The following HS6ST3 variants were observed in gnomAD, a reference collection of about 807,000 sequenced individuals.
HS6ST3 encodes heparan-sulfate 6-O-sulfotransferase 3.
Under a neutral mutation model 36.7 loss-of-function variants are expected in HS6ST3, and 12 were observed. The observed-to-expected ratio is 0.33, with a 90% CI of 0.21 to 0.53. The LOEUF is 0.53. HS6ST3 is among the 20% of genes least tolerant of loss of function. The probability of loss-of-function intolerance (pLI) is 0.95; values close to 1 mark genes in which losing one functional copy is unlikely to be tolerated. For missense variants in HS6ST3, 584 were observed against 640.9 expected (o/e 0.91, Z 0.96); for synonymous variants, 240 against 257.5 (o/e 0.93, Z 0.65).
At chr13:96,421,613 A>C (rs1378391186) in intron 1 of HS6ST3, among the ~76,000 whole-genome samples, 1 of 152,068 alleles carries the variant, frequency 6.6e-6, no homozygotes, top group East Asian at 1.9e-4. Flanking sequence ...TTCTGCCTAG[A>C]GGCCCTGTGT....
intron 1 of HS6ST3, among the ~76,000 whole-genome samples, chr13:96,192,072 G>C (rs1051184951): frequency 1.3e-5 from 2 of 152,138 alleles, no homozygotes; most frequent in Non-Finnish European, 2.9e-5. Flanking sequence ...ATACTCAGGA[G>C]CCAGAGACCT....
At chr13:96,344,237 A>G (rs2055143239) in intron 1 of HS6ST3, among the ~76,000 whole-genome samples, 1 of 144,468 alleles carries the variant, frequency 6.9e-6, no homozygotes, top group African/African-American at 2.6e-5. Context: ...GGTCCCAGAG[A>G]AAATAGTAAT....
chr13:96,606,040 G>A (rs1566409551), intron 1 of HS6ST3, among the ~76,000 whole-genome samples: 1 of 152,052 alleles, frequency 6.6e-6, no homozygotes, highest in Non-Finnish European at 1.5e-5. Context: ...CTCATACCAT[G>A]CAGAATGGCT....
chr13:96,442,770 AT>A (rs2055678977), intron 1 of HS6ST3, among the ~76,000 whole-genome samples: 2 of 123,094 alleles, frequency 1.6e-5, no homozygotes, highest in African/African-American at 6.5e-5. Flanking sequence ...AAAAAGTACA[AT>A]TGGAAGTAAA....
chr13:96,346,983 A>G (rs1277086636), intron 1 of HS6ST3, among the ~76,000 whole-genome samples: 1 of 152,102 alleles, frequency 6.6e-6, no homozygotes, highest in Admixed American at 6.5e-5. Flanking sequence ...CAAATAATGG[A>G]GAGCAGCCTC....
intron 1 of HS6ST3, among the ~76,000 whole-genome samples, chr13:96,667,233 T>C (rs2056667060): frequency 6.6e-6 from 1 of 152,200 alleles, no homozygotes; most frequent in Non-Finnish European, 1.5e-5. Context: ...CAACTTCAGG[T>C]AGATTTTCTA....
At chr13:96,420,209 G>A (rs1000392624) in intron 1 of HS6ST3, among the ~76,000 whole-genome samples, 9 of 152,122 alleles carry the variant, frequency 5.9e-5, no homozygotes, top group African/African-American at 2.2e-4. Flanking sequence ...GGCTGGGCAG[G>A]GGGAAAGAGT....
chr13:96,585,605 C>T (rs2138971923), intron 1 of HS6ST3, among the ~76,000 whole-genome samples: 1 of 152,242 alleles, frequency 6.6e-6, no homozygotes. Flanking sequence ...AGCATCTCTC[C>T]TCCTTCCCTA....
At chr13:96,457,512 T>C (rs2055759846) in intron 1 of HS6ST3, among the ~76,000 whole-genome samples, 1 of 152,158 alleles carries the variant, frequency 6.6e-6, no homozygotes, top group Admixed American at 6.5e-5. Context: ...TGTTGATTAT[T>C]GTATAGGTAC....
intron 1 of HS6ST3, among the ~76,000 whole-genome samples, chr13:96,282,397 G>A (rs927144168): frequency 5.3e-5 from 8 of 152,104 alleles, no homozygotes; most frequent in Admixed American, 3.3e-4. Flanking sequence ...AAGTAGGTGC[G>A]GAGCAGACAA....
At chr13:96,605,790 G>A (rs2056436592) in intron 1 of HS6ST3, among the ~76,000 whole-genome samples, 1 of 151,044 alleles carries the variant, frequency 6.6e-6, no homozygotes, top group African/African-American at 2.4e-5. Context: ...TATTAACAGA[G>A]TAAATAGGCA....
intron 1 of HS6ST3, among the ~76,000 whole-genome samples, chr13:96,564,907 C>A (rs781262614): frequency 8.5e-5 from 13 of 152,180 alleles, no homozygotes; most frequent in Non-Finnish European, 1.9e-4. Flanking sequence ...AAAGCATTCT[C>A]TTTCACCTGT....
rs571693289 is a variant in HS6ST3, at chr13:96,819,953, G to A, written c.708-12537G>A. On this transcript the variant is annotated intron_variant, in intron 1 of 1. Coordinates refer to ENST00000376705, the MANE Select transcript of HS6ST3 (RefSeq NM_153456.4). ...TAGCCAGGCATGGTGGCAGACGCCT[G>A]TAATCCCAGGTACTTGGGAGGCTGA... Among the ~76,000 whole-genome samples, 7 of 152,240 alleles carry A rather than the reference G, an allele frequency of 4.6e-5. No individual in the cohort carries two copies. In the South Asian group the frequency reaches 1.2e-3, roughly 27 times the overall value.
chr13:96,438,125 G>A (rs1292713932), intron 1 of HS6ST3, among the ~76,000 whole-genome samples: 1 of 152,098 alleles, frequency 6.6e-6, no homozygotes, highest in Non-Finnish European at 1.5e-5. Context: ...TATATTTCTT[G>A]CCACTGGTTC....
At chr13:96,685,910 C>T (rs1053185941) in intron 1 of HS6ST3, among the ~76,000 whole-genome samples, 12 of 152,040 alleles carry the variant, frequency 7.9e-5, no homozygotes, top group African/African-American at 2.9e-4. Flanking sequence ...ATGAGATGTT[C>T]AAAGTGCATT....
intron 1 of HS6ST3, among the ~76,000 whole-genome samples, chr13:96,519,868 G>A (rs533847694): frequency 1.8e-4 from 28 of 152,116 alleles, no homozygotes; most frequent in Non-Finnish European, 2.5e-4. Flanking sequence ...ATATACTTAG[G>A]TCTTGATTTG....
chr13:96,437,835 T>C (rs1262919890), intron 1 of HS6ST3, among the ~76,000 whole-genome samples: 2 of 152,196 alleles, frequency 1.3e-5, no homozygotes, highest in Non-Finnish European at 2.9e-5. Context: ...GGGAATTTCG[T>C]TTTCTCAGTA....
chr13:96,155,033 G>A (rs1407079942), intron 1 of HS6ST3, among the ~76,000 whole-genome samples: 1 of 152,000 alleles, frequency 6.6e-6, no homozygotes, highest in African/African-American at 2.4e-5. Flanking sequence ...CAGTATTAAT[G>A]CTCAGCACTA....
intron 1 of HS6ST3, among the ~76,000 whole-genome samples, chr13:96,725,527 T>G (rs747351937): frequency 1.5e-4 from 23 of 152,224 alleles, no homozygotes; most frequent in Non-Finnish European, 2.9e-4. Flanking sequence ...TATGTTCCAT[T>G]CCAAGTTAAT....
Sources: gnomAD v4.1 joint callset for allele counts (sites outside exome capture counted in the v4.1 genomes callset) on GRCh38, gnomAD v4.1.1 for gene constraint, MANE v1.5 for transcripts, NCBI Gene and HGNC (gene_info 2026-07-23, HGNC 2026-07-21) for gene names.